Variants in GFM1 observed in about 807,000 individuals in gnomAD.
GFM1 encodes the protein elongation factor G, mitochondrial.
A neutral mutation model predicts 96.2 loss-of-function variants in GFM1; 62 were observed. That is an observed-to-expected ratio of 0.64 (90% CI 0.53 to 0.80). The LOEUF (loss-of-function observed/expected upper bound fraction) is 0.80. Among genes scored for constraint, GFM1 ranks in the 30% least tolerant of loss-of-function variants. GFM1 has a pLI of 0.00. For synonymous variants in GFM1, 282 were observed against 312.9 expected, an observed-to-expected ratio of 0.90 and a Z score of 1.04; for missense variants, 852 against 916.6, an observed-to-expected ratio of 0.93 and a Z score of 0.91.
At chr3:158,651,969 G>A (rs1722329287) in intron 5 of GFM1, 127 bp from the exon 6 acceptor site, 3 of 755,774 alleles carry the variant, frequency 4.0e-6, no homozygotes, top group African/African-American at 1.7e-5. Context: ...TTTGCCATTT[G>A]AATGCAAATG....
intron 15 of GFM1, among the ~76,000 whole-genome samples, chr3:158,685,838 CTG>C (rs1430062008): frequency 6.6e-6 from 1 of 152,130 alleles, no homozygotes; most frequent in Non-Finnish European, 1.5e-5. Flanking sequence ...CTTTTTACCT[CTG>C]TGTGTTTACC....
intron 13 of GFM1, among the ~76,000 whole-genome samples, chr3:158,676,780 A>G (rs1576778135): frequency 6.6e-6 from 1 of 150,912 alleles, no homozygotes; most frequent in East Asian, 1.9e-4. Context: ...GCTAACTGCA[A>G]CCTCCGCCTC....
At chr3:158,669,563 T>C (rs1560137743) in intron 13 of GFM1, 2 of 1,613,916 alleles carry the variant, frequency 1.2e-6, no homozygotes, top group Non-Finnish European at 1.7e-6. Context: ...CAGTTTCTTG[T>C]CCCGTTGAAG....
At position 158,662,643 on chromosome 3, in the gene GFM1, C is replaced by T. The variant is rs1228001321; in HGVS notation, c.1339C>T (p.Pro447Ser). 1.9e-6 allele frequency: 3 copies of T among 1,597,990 alleles called. No homozygotes were observed. Among genetic ancestry groups the T allele is most frequent in the Non-Finnish European group, 8.6e-7 (1 of 1,165,996 alleles). Reference protein sequence around the residue: ...SGLSMESIHVPDPVISIAMKP... With the variant: ...SGLSMESIHVSDPVISIAMKP... ...AATATTTTAGGAGTCAATTCATGTT[C>T]CTGATCCTGTCATTTCAATAGCAAT... is the stretch of plus-strand genomic sequence containing the variant. The change falls in exon 11 of 18, where the codon CCT (proline) becomes TCT (serine). Residue 447 changes from proline to serine, a missense_variant. Transcript: ENST00000486715.
chr3:158,682,473 T>C lies in GFM1; in HGVS notation c.1764+316T>C, dbSNP rs189386174. On this transcript the variant is annotated intron_variant, in intron 14 of 17. Transcript: ENST00000486715. ...TTCTTAGGGATTTATAAGAGTTTTA[T>C]GTGTACTATTGCAGCAGAATGATCA... 5.4e-5 allele frequency: 16 copies of C among 295,802 alleles called. No homozygotes were observed. In the East Asian group the frequency reaches 1.2e-3, roughly 23 times the overall value. The allele number at this position is 295,802 out of a possible 1,614,324, so 18.3% of individuals were successfully genotyped here. A position where few individuals can be genotyped will look rare whatever the true frequency, so the allele number is the denominator to read the frequency against.
At chr3:158,684,901 T>C in intron 15 of GFM1, 1 of 449,866 alleles carries the variant, frequency 2.2e-6, no homozygotes, top group Non-Finnish European at 4.0e-6. Flanking sequence ...CTTTCTTTCA[T>C]GTATTTGAAT....
chr3:158,681,691 A>T (rs564955549), intron 13 of GFM1, among the ~76,000 whole-genome samples: 1 of 152,320 alleles, frequency 6.6e-6, no homozygotes, highest in East Asian at 1.9e-4. Context: ...GGTTTTTGGA[A>T]TACAGGTTAT....
chr3:158,658,929 G>A lies in GFM1; in HGVS notation c.1091G>A (p.Arg364Gln), dbSNP rs140490191. 1.5e-5 allele frequency: 24 copies of A among 1,613,914 alleles called. No homozygotes were observed. The highest frequency in any genetic ancestry group is 1.5e-4 in the African/African-American group (11 of 74,884). ...CCCAATCTTGACTTCTAGGTAGGTC[G>A]ATTTGGACAATTAACTTATGTTCGC... ...VGLAFKLEVG[R>Q]FGQLTYVRSY... Residue 364 changes from arginine (R) to glutamine (Q), a missense_variant, in exon 9 of 18, where the codon CGA (arginine) becomes CAA (glutamine). Arg to Gln is a conservative substitution (Grantham distance 43, BLOSUM62 1). Coordinates refer to ENST00000486715, the MANE Select transcript of GFM1 (RefSeq NM_024996.7).
chr3:158,663,362 A>T (rs1389894025), intron 11 of GFM1, among the ~76,000 whole-genome samples: 1 of 152,234 alleles, frequency 6.6e-6, no homozygotes, highest in African/African-American at 2.4e-5. Flanking sequence ...AATGTGGTAT[A>T]TTGAAATTCA....
chr3:158,664,070 T>A (rs1379683871), intron 11 of GFM1, among the ~76,000 whole-genome samples: 1 of 152,190 alleles, frequency 6.6e-6, no homozygotes, highest in African/African-American at 2.4e-5. Flanking sequence ...TGTACCTCAT[T>A]TCCTCACCTG....
chr3:158,654,591 A>G lies in GFM1; in HGVS notation c.1043A>G (p.Asp348Gly), dbSNP rs1040378688. 1.2e-6 allele frequency: 2 copies of G among 1,613,204 alleles called. No homozygotes were observed. The highest frequency in any genetic ancestry group is 1.1e-5 in the South Asian group (1 of 91,062). The change falls in exon 8 of 18, where the codon GAC (aspartate) becomes GGC (glycine). Residue 348 changes from aspartate to glycine, a missense_variant. Transcript: ENST00000486715. ...KTKILMNSSR[D>G]NSHPFVGLAF... is the part of the protein sequence containing the mutation. The stretch of plus-strand genomic sequence containing the variant: ...AAAATCCTAATGAACTCCAGTAGAG[A>G]CAATTCCCACCCATTTGTAGGCCTG...
At chr3:158,661,118 A>G in intron 10 of GFM1, 143 bp downstream of exon 10, 1 of 706,806 alleles carries the variant, frequency 1.4e-6, no homozygotes, top group Non-Finnish European at 2.6e-6. Flanking sequence ...GGCTCTTTGA[A>G]TGTTGGTTAT....
intron 10 of GFM1, among the ~76,000 whole-genome samples, chr3:158,662,327 A>G (rs1278505805): frequency 6.6e-6 from 1 of 152,238 alleles, no homozygotes; most frequent in Non-Finnish European, 1.5e-5. Flanking sequence ...TAAGAATTTC[A>G]CATCTCAGTA....
At position 158,695,198 on chromosome 3, in the gene GFM1, AC is replaced by A. The variant is rs1468096330; in HGVS notation, c.*3735del. Among the ~76,000 whole-genome samples, 2 of 151,790 alleles carry A rather than the reference AC, an allele frequency of 1.3e-5. No individual in the cohort carries two copies. The highest frequency in any genetic ancestry group is 2.9e-5 in the Non-Finnish European group (2 of 67,954). On this transcript the variant is annotated 3_prime_UTR_variant, in exon 18 of 18. Transcript: ENST00000486715. ...AGACCACCCTGGCCAACACGGTGAA[AC>A]CCCGTCTCTACTATAAATACAAAAA...
At position 158,653,465 on chromosome 3, in the gene GFM1, GGAGT is replaced by G. The variant is rs763084523; in HGVS notation, c.997_998+2del. The G allele has an allele frequency of 6.1e-5, 99 of 1,610,374 alleles. No homozygotes were observed. Among genetic ancestry groups the G allele is most frequent in the Non-Finnish European group, 8.2e-5 (96 of 1,176,974 alleles). ...AGAACTATGCTATTCTCAATAAAGA[GGAGT>G]AAGTCTTGAAAATTGAATCTTAGTT... On this transcript the variant is annotated splice_donor_variant and coding_sequence_variant, in exon 7 of 18. Transcript: ENST00000486715. LOFTEE classifies it high-confidence loss of function.
intron 13 of GFM1, among the ~76,000 whole-genome samples, chr3:158,669,971 C>G (rs1724120268): frequency 6.6e-6 from 1 of 152,176 alleles, no homozygotes; most frequent in African/African-American, 2.4e-5. Context: ...TTCCATTACT[C>G]TTACTCTTTG....
At chr3:158,665,174 A>G (rs1195396224) in intron 11 of GFM1, among the ~76,000 whole-genome samples, 163 bp from the exon 12 acceptor site, 2 of 152,194 alleles carry the variant, frequency 1.3e-5, no homozygotes, top group Non-Finnish European at 2.9e-5. Flanking sequence ...GTGGTATCCA[A>G]GCTCACATTG....
intron 13 of GFM1, 123 bp downstream of exon 13, chr3:158,666,509 T>TATA (rs1417643374): frequency 2.7e-6 from 3 of 1,126,892 alleles, no homozygotes; most frequent in Non-Finnish European, 4.0e-6. Context: ...TTATGGACTC[T>TATA]ATAAAGTTCT....
rs1560146932 is a variant in GFM1, at chr3:158,690,304, A to G, written c.2051A>G (p.Tyr684Cys). The G allele has an allele frequency of 3.1e-6, 5 of 1,613,938 alleles. No homozygotes were observed. The highest frequency in any genetic ancestry group is 2.2e-5 in the East Asian group (1 of 44,858). Residue 684 changes from tyrosine (Y) to cysteine (C), a missense_variant, in exon 16 of 18, where the codon TAT becomes TGT. Coordinates refer to ENST00000486715, the MANE Select transcript of GFM1 (RefSeq NM_024996.7). The part of the protein sequence containing the change: ...VITGQDGVED[Y>C]FTLYADVPLN... ...ACTGGGCAAGATGGAGTTGAGGACT[A>G]TTTTACACTGTATGCAGATGTAAGT...
Sources: allele counts gnomAD v4.1 joint callset (sites outside exome capture counted in the v4.1 genomes callset), GRCh38; gene constraint gnomAD v4.1.1; transcripts MANE v1.5; gene names NCBI Gene and HGNC (gene_info 2026-07-23, HGNC 2026-07-21).